The following AKR1C2 variants were observed in gnomAD, a reference collection of about 807,000 sequenced individuals.
AKR1C2 encodes aldo-keto reductase family 1 member C2.
Under a neutral mutation model 39.8 loss-of-function variants are expected in AKR1C2, and 27 were observed. That is an observed-to-expected ratio of 0.68 (90% CI 0.50 to 0.93). AKR1C2 has a LOEUF of 0.93. AKR1C2 is among the 40% of genes least tolerant of loss of function. The pLI is 0.00. For missense variants in AKR1C2, 263 were observed against 365.1 expected (o/e 0.72, Z 2.28); for synonymous variants, 114 against 137.9 (o/e 0.83, Z 1.22).
At chr10:4,997,527 A>G (rs1268244616) in intron 5 of AKR1C2, 24 of 278,444 alleles carry the variant, frequency 8.6e-5, no homozygotes, top group Non-Finnish European at 7.6e-5. Flanking sequence ...TTCTAGAAAC[A>G]TTATATGTAT....
chr10:5,011,880 G>A (rs1268305774), intron 1 of AKR1C2, among the ~76,000 whole-genome samples: 3 of 152,154 alleles, frequency 2.0e-5, no homozygotes, highest in Non-Finnish European at 2.9e-5. Context: ...AAAGTTAAAG[G>A]TTCATAGAGC....
chr10:5,010,790 C>G (rs531467811), intron 1 of AKR1C2: 1 of 152,156 alleles, frequency 6.6e-6, no homozygotes. Flanking sequence ...AAAAGTTAGA[C>G]GTGCAACCTT....
rs185336064 is a variant in AKR1C2, at chr10:4,990,690, C to T, written c.930-652G>A. Among the ~76,000 whole-genome samples, 59 of 151,994 alleles carry T rather than the reference C, an allele frequency of 3.9e-4. 1 individual carries two copies. Among genetic ancestry groups the T allele is most frequent in the Middle Eastern group, 6.8e-3 (2 of 294 alleles). The stretch of plus-strand genomic sequence containing the variant: ...ATATACAGTTATAACTTGTTAATTA[C>T]GGAATTGAGCCTATCCTTTGTGATT... On this transcript the variant is annotated intron_variant, in intron 8 of 8. Coordinates refer to ENST00000380753, the MANE Select transcript of AKR1C2 (RefSeq NM_001393392.1).
At chr10:4,996,009 A>G in intron 5 of AKR1C2, 144 bp from the exon 6 acceptor site, 1 of 996,164 alleles carries the variant, frequency 1.0e-6, no homozygotes, top group South Asian at 1.8e-5. Context: ...TTTTCATAAA[A>G]ATAAATTTTA....
In AKR1C2 at chr10:4,989,551, C is replaced by G. The variant is rs573920613; in HGVS notation, c.*445G>C. On this transcript the variant is annotated 3_prime_UTR_variant, in exon 9 of 9. Transcript: ENST00000380753. Reference sequence around the variant, plus strand: ...CGCTCATCCTCTAGACTCCATCCTGCGTGTGCTTCTTCCTACAAGAGCTAG... The same window carrying G: ...CGCTCATCCTCTAGACTCCATCCTGGGTGTGCTTCTTCCTACAAGAGCTAG... 1.2e-5 allele frequency: 2 copies of G among 168,616 alleles called. No homozygotes were observed. The highest frequency in any genetic ancestry group is 4.9e-5 in the African/African-American group (2 of 41,032). The allele number at this position is 168,616 out of a possible 1,614,324, so 10.4% of individuals were successfully genotyped here.
chr10:4,991,295 A>G (rs2131670454), intron 8 of AKR1C2, among the ~76,000 whole-genome samples: 1 of 151,688 alleles, frequency 6.6e-6, no homozygotes, highest in East Asian at 1.9e-4. Context: ...TCATGGGCAA[A>G]CATGCAAAGA....
chr10:5,002,634 A>G (rs1837307191), intron 1 of AKR1C2, among the ~76,000 whole-genome samples: 1 of 152,206 alleles, frequency 6.6e-6, no homozygotes, highest in South Asian at 2.1e-4. Flanking sequence ...TATGTAACAA[A>G]TTTGGATACA....
upstream of AKR1C2, among the ~76,000 whole-genome samples, chr10:5,006,977 G>T (rs1306999936): frequency 2.7e-5 from 4 of 149,424 alleles, no homozygotes; most frequent in Middle Eastern, 3.4e-3. Flanking sequence ...TTTCACTATG[G>T]TAGCCAGGAT....
At chr10:5,009,700 C>G (rs1279018732) in intron 1 of AKR1C2, among the ~76,000 whole-genome samples, 1 of 152,072 alleles carries the variant, frequency 6.6e-6, no homozygotes, top group Admixed American at 6.5e-5. Flanking sequence ...TGCCTTTTGG[C>G]CCACCACACC....
intron 1 of AKR1C2, among the ~76,000 whole-genome samples, chr10:5,015,516 C>T (rs550108684): frequency 1.4e-3 from 207 of 152,268 alleles, no homozygotes; most frequent in South Asian, 3.3e-3. Flanking sequence ...ACAGACTCCT[C>T]ATTGGTACAG....
Position 5,000,366 on chromosome 10 carries a change from C to T in AKR1C2, c.369+184G>A, listed in dbSNP as rs370559563. The stretch of plus-strand genomic sequence containing the variant: ...CTCTTTTCTTGTAGACATGCAATCA[C>T]GGAAGTATGGATTCAAAATTGCTTT... On this transcript the variant is annotated intron_variant, in intron 3 of 8. Coordinates refer to ENST00000380753, the MANE Select transcript of AKR1C2 (RefSeq NM_001393392.1). The T allele has an allele frequency of 1.3e-3, 2,028 of 1,548,166 alleles. 3 individuals carry two copies. Among genetic ancestry groups the T allele is most frequent in the Non-Finnish European group, 1.6e-3 (1,876 of 1,146,326 alleles).
In AKR1C2 at chr10:4,989,900, C is replaced by T. The variant is rs557543056; in HGVS notation, c.*96G>A. The T allele has an allele frequency of 5.2e-5, 76 of 1,459,088 alleles. No homozygotes were observed. The highest frequency in any genetic ancestry group is 1.4e-4 in the South Asian group (11 of 79,818). The allele number at this position is 1,459,088 out of a possible 1,614,324, so 90.4% of individuals were successfully genotyped here. A position where few individuals can be genotyped will look rare whatever the true frequency, so the allele number is the denominator to read the frequency against. On this transcript the variant is annotated 3_prime_UTR_variant, in exon 9 of 9. Transcript: ENST00000380753. Reference sequence around the variant, plus strand: ...AGTCGCCAAGCAGGAGAGATTTAACCAGAGGCGATGTGTCCAGTCACCAGC... The same window carrying T: ...AGTCGCCAAGCAGGAGAGATTTAACTAGAGGCGATGTGTCCAGTCACCAGC...
chr10:4,996,301 A>T (rs1333530248), intron 5 of AKR1C2, among the ~76,000 whole-genome samples: 1 of 144,782 alleles, frequency 6.9e-6, no homozygotes, highest in East Asian at 1.9e-4. Context: ...TTGATCTGAC[A>T]TATATATATC....
At chr10:5,002,218 C>T (rs868917567) in intron 1 of AKR1C2, among the ~76,000 whole-genome samples, 18 of 152,182 alleles carry the variant, frequency 1.2e-4, no homozygotes, top group Admixed American at 5.9e-4. Context: ...GATACATTGA[C>T]TCACTCTGCC....
At chr10:4,990,923 A>T (rs1554772156) in intron 8 of AKR1C2, among the ~76,000 whole-genome samples, 2 of 151,450 alleles carry the variant, frequency 1.3e-5, no homozygotes, top group Non-Finnish European at 2.9e-5. Context: ...TACTACTAAT[A>T]ATATCCACCA....
intron 7 of AKR1C2, among the ~76,000 whole-genome samples, chr10:4,993,182 T>A (rs1836901743): frequency 1.3e-5 from 2 of 152,250 alleles, no homozygotes; most frequent in Admixed American, 1.3e-4. Flanking sequence ...AAATTTTAAA[T>A]AACACATTAG....
intron 4 of AKR1C2, 95 bp from the exon 5 acceptor site, chr10:4,998,842 G>A (rs1279514365): frequency 2.2e-5 from 34 of 1,547,292 alleles, no homozygotes; most frequent in South Asian, 7.5e-5. Context: ...CTGTCTAGAC[G>A]TGACAATCAA....
rs1554773752 is a variant in AKR1C2, at chr10:5,000,646, T to C, written c.273A>G (p.Arg91=). The C allele has an allele frequency of 6.2e-7, 1 of 1,613,868 alleles. No individual in the cohort carries two copies. The highest frequency in any genetic ancestry group is 1.7e-5 in the Admixed American group (1 of 60,002). Residue 91 remains arginine (R), a synonymous_variant, in exon 3 of 9, where the codon CGA becomes CGG. Transcript: ENST00000380753. ...YTSKLWSNSH[R]PELVRPALER... ...CCAAGGCTGGTCGGACCAACTCTGGTCGATGGGAATTGCTCCAAAGCTGCA... is the reference window on the plus strand; with the variant it reads ...CCAAGGCTGGTCGGACCAACTCTGGCCGATGGGAATTGCTCCAAAGCTGCA...
chr10:5,000,351 G>T, intron 3 of AKR1C2, 199 bp downstream of exon 3: 1 of 1,540,872 alleles, frequency 6.5e-7, no homozygotes. Flanking sequence ...CTCTTTTCTT[G>T]TAGACATGCA....
Sources: allele counts gnomAD v4.1 joint callset (sites outside exome capture counted in the v4.1 genomes callset), GRCh38; gene constraint gnomAD v4.1.1; transcripts MANE v1.5; gene names NCBI Gene and HGNC (gene_info 2026-07-23, HGNC 2026-07-21).